Variants in AMBRA1 observed in about 807,000 individuals in gnomAD.
AMBRA1 encodes activating molecule in BECN1-regulated autophagy protein 1.
Under a neutral mutation model 125.4 loss-of-function variants are expected in AMBRA1, and 47 were observed. That is an observed-to-expected ratio of 0.37 (90% CI 0.30 to 0.48). The LOEUF is 0.48. Among genes scored for constraint, AMBRA1 ranks in the 20% least tolerant of loss-of-function variants. The probability of loss-of-function intolerance (pLI) is 0.99; values close to 1 mark genes in which losing one functional copy is unlikely to be tolerated. For synonymous variants in AMBRA1, 626 were observed against 655.5 expected, an observed-to-expected ratio of 0.95 and a Z score of 0.69; for missense variants, 1,331 against 1,693.4, an observed-to-expected ratio of 0.79 and a Z score of 3.76.
At chr11:46,415,235 G>A (rs533184014) in intron 15 of AMBRA1, among the ~76,000 whole-genome samples, 103 of 152,308 alleles carry the variant, frequency 6.8e-4, no homozygotes, top group African/African-American at 2.4e-3. Context: ...CTCATCTGTA[G>A]ACCGCTCAAA....
At chr11:46,564,164 A>C (rs924903276) in intron 1 of AMBRA1, among the ~76,000 whole-genome samples, 2 of 150,868 alleles carry the variant, frequency 1.3e-5, no homozygotes, top group South Asian at 2.1e-4. Flanking sequence ...AAAAAAAAAA[A>C]CGTAAGAGCA....
At chr11:46,524,767 T>C (rs546141864) in intron 7 of AMBRA1, among the ~76,000 whole-genome samples, 1 of 152,214 alleles carries the variant, frequency 6.6e-6, no homozygotes, top group Non-Finnish European at 1.5e-5. Flanking sequence ...CTCTGTCCAC[T>C]CAAGTCACTA....
At chr11:46,461,372 T>C (rs1446668659) in intron 11 of AMBRA1, among the ~76,000 whole-genome samples, 3 of 152,262 alleles carry the variant, frequency 2.0e-5, no homozygotes, top group Non-Finnish European at 4.4e-5. Context: ...GTCATATATA[T>C]GCCTGTATAG....
intron 14 of AMBRA1, among the ~76,000 whole-genome samples, chr11:46,431,145 C>G (rs1365461130): frequency 6.6e-6 from 1 of 152,220 alleles, no homozygotes; most frequent in Admixed American, 6.5e-5. Flanking sequence ...TGGGTGGACA[C>G]TTGGTTGACC....
chr11:46,543,527 C>G, intron 6 of AMBRA1, 129 bp from the exon 7 acceptor site: 1 of 1,202,238 alleles, frequency 8.3e-7, no homozygotes, highest in South Asian at 1.6e-5. Context: ...GGAAACAACT[C>G]TCTACCCCTG....
At chr11:46,411,905 C>T (rs2136628615) in intron 15 of AMBRA1, among the ~76,000 whole-genome samples, 1 of 152,106 alleles carries the variant, frequency 6.6e-6, no homozygotes, top group African/African-American at 2.4e-5. Flanking sequence ...GGATTACAGG[C>T]GTGAGCCACC....
chr11:46,418,292 T>C (rs566800800), intron 14 of AMBRA1, among the ~76,000 whole-genome samples: 16 of 141,530 alleles, frequency 1.1e-4, no homozygotes, highest in East Asian at 2.0e-4. Context: ...TATTTATATA[T>C]AAATATATAA....
intron 11 of AMBRA1, among the ~76,000 whole-genome samples, chr11:46,475,306 A>T (rs938722667): frequency 2.6e-5 from 4 of 152,244 alleles, no homozygotes; most frequent in Non-Finnish European, 5.9e-5. Context: ...GACATTTGCT[A>T]ACGTTCAACG....
chr11:46,585,191 G>A (rs1466994183), intron 1 of AMBRA1, among the ~76,000 whole-genome samples: 1 of 152,024 alleles, frequency 6.6e-6, no homozygotes, highest in African/African-American at 2.4e-5. Flanking sequence ...CTAATCTCAA[G>A]TATCCAGGGA....
chr11:46,560,165 CT>C (rs1412768079), intron 1 of AMBRA1, among the ~76,000 whole-genome samples: 1 of 152,198 alleles, frequency 6.6e-6, no homozygotes, highest in African/African-American at 2.4e-5. Context: ...CAGTCCCTTT[CT>C]TTATAAGAAG....
At chr11:46,565,526 G>A (rs2135254316) in intron 1 of AMBRA1, among the ~76,000 whole-genome samples, 1 of 152,070 alleles carries the variant, frequency 6.6e-6, no homozygotes, top group East Asian at 1.9e-4. Flanking sequence ...GGGCAACATG[G>A]CAAAACCCTG....
intron 14 of AMBRA1, among the ~76,000 whole-genome samples, chr11:46,426,755 G>A (rs1187383495): frequency 6.6e-6 from 1 of 152,130 alleles, no homozygotes; most frequent in African/African-American, 2.4e-5. Context: ...TAAGATAATT[G>A]CAGCGGAAGC....
chr11:46,553,802 G>A (rs776603733), intron 1 of AMBRA1, among the ~76,000 whole-genome samples: 1 of 151,706 alleles, frequency 6.6e-6, no homozygotes, highest in Non-Finnish European at 1.5e-5. Context: ...GTCCTACACA[G>A]CACAGAGTTA....
chr11:46,502,060 C>G lies in AMBRA1; in HGVS notation c.2339+6131G>C, dbSNP rs1332401775. Among the ~76,000 whole-genome samples the G allele has an allele frequency of 2.6e-5, 4 of 152,094 alleles. No individual in the cohort carries two copies. The East Asian group carries it at 7.7e-4, about 29-fold the overall frequency. On this transcript the variant is annotated intron_variant, in intron 9 of 17. Coordinates refer to ENST00000683756, the MANE Select transcript of AMBRA1 (RefSeq NM_001387011.1). ...TGGAAAATAAGAGAGGTTTTTGTCT[C>G]TCTCCAGGTCATTTTCTTTCTTTTT...
At chr11:46,502,810 C>T (rs1367702637) in intron 9 of AMBRA1, among the ~76,000 whole-genome samples, 1 of 152,088 alleles carries the variant, frequency 6.6e-6, no homozygotes, top group Non-Finnish European at 1.5e-5. Context: ...CCTGTAATCC[C>T]AGCACTTTGG....
intron 15 of AMBRA1, among the ~76,000 whole-genome samples, chr11:46,414,338 G>A (rs905400912): frequency 2.0e-5 from 3 of 152,250 alleles, no homozygotes; most frequent in Admixed American, 6.5e-5. Context: ...CTTTTGATTC[G>A]GAGGCATGCT....
rs545317934 is a variant in AMBRA1, at chr11:46,581,529, C to T, written c.-121+12299G>A. On this transcript the variant is annotated intron_variant, in intron 1 of 17. Transcript: ENST00000683756. ...GGCTAAGGCAGGAGAATGACGTGAG[C>T]CCGGAGGCAGAGCTTGCAGCAAGCC... Among the ~76,000 whole-genome samples, 6 of 152,208 alleles carry T rather than the reference C, an allele frequency of 3.9e-5. No individual in the cohort carries two copies. In the South Asian group the frequency reaches 1.2e-3, roughly 32 times the overall value.
chr11:46,488,959 G>A (rs532656081), intron 11 of AMBRA1, among the ~76,000 whole-genome samples: 77 of 152,234 alleles, frequency 5.1e-4, no homozygotes, highest in Non-Finnish European at 5.9e-5. Context: ...CCCAAGTGCG[G>A]GGGCGAGATC....
At chr11:46,492,799 C>T (rs943338830) in intron 11 of AMBRA1, among the ~76,000 whole-genome samples, 1 of 152,202 alleles carries the variant, frequency 6.6e-6, no homozygotes, top group Non-Finnish European at 1.5e-5. Flanking sequence ...CCTGTAATCC[C>T]GGCACTTCGG....
Sources: allele counts gnomAD v4.1 joint callset (sites outside exome capture counted in the v4.1 genomes callset), GRCh38; gene constraint gnomAD v4.1.1; transcripts MANE v1.5; gene names NCBI Gene and HGNC (gene_info 2026-07-23, HGNC 2026-07-21).